Variants in LHFPL3 observed in about 807,000 individuals in gnomAD.
LHFPL3 encodes LHFPL tetraspan subfamily member 3 protein.
In LHFPL3, 5 loss-of-function variants were observed where a neutral mutation model predicts 19.3. The ratio of observed to expected loss-of-function variants is 0.26; its 90% CI spans 0.14 to 0.54. The LOEUF (loss-of-function observed/expected upper bound fraction) is 0.54, where lower values mean the gene tolerates loss of function less well. Among genes scored for constraint, LHFPL3 ranks in the 20% least tolerant of loss-of-function variants. LHFPL3 has a pLI of 0.94. For synonymous variants in LHFPL3, 133 were observed against 126.2 expected (o/e 1.05, Z -0.36); for missense variants, 249 against 307.4 (o/e 0.81, Z 1.42).
intron 1 of LHFPL3, among the ~76,000 whole-genome samples, chr7:104,359,274 C>T (rs1790344449): frequency 6.6e-6 from 1 of 152,230 alleles, no homozygotes; most frequent in South Asian, 2.1e-4. Context: ...AATTTATTTA[C>T]TGGCATAAGT....
intron 2 of LHFPL3, among the ~76,000 whole-genome samples, chr7:104,853,368 G>A (rs1238303375): frequency 6.6e-6 from 1 of 152,162 alleles, no homozygotes; most frequent in Non-Finnish European, 1.5e-5. Context: ...CAGAGGGAGT[G>A]CTTTCAGCCA....
intron 1 of LHFPL3, among the ~76,000 whole-genome samples, chr7:104,394,351 TA>T (rs1298222577): frequency 6.6e-6 from 1 of 152,240 alleles, no homozygotes; most frequent in East Asian, 1.9e-4. Flanking sequence ...TCTGAAAAGA[TA>T]ACCTCAGAAA....
chr7:104,581,792 A>G (rs542812390), intron 1 of LHFPL3, among the ~76,000 whole-genome samples: 26 of 152,074 alleles, frequency 1.7e-4, no homozygotes, highest in African/African-American at 5.8e-4. Context: ...GTAAATAACC[A>G]CGTACATGTG....
At chr7:104,586,941 A>G (rs997146097) in intron 1 of LHFPL3, among the ~76,000 whole-genome samples, 3 of 152,160 alleles carry the variant, frequency 2.0e-5, no homozygotes, top group Non-Finnish European at 2.9e-5. Flanking sequence ...TTGAAAGATT[A>G]TGTATCATTT....
At chr7:104,417,581 T>C (rs931260080) in intron 1 of LHFPL3, among the ~76,000 whole-genome samples, 1 of 152,344 alleles carries the variant, frequency 6.6e-6, no homozygotes, top group Middle Eastern at 3.4e-3. Flanking sequence ...ACAAGTACTT[T>C]TTAGGTATTA....
At chr7:104,582,792 T>C (rs1217389839) in intron 1 of LHFPL3, among the ~76,000 whole-genome samples, 2 of 151,962 alleles carry the variant, frequency 1.3e-5, no homozygotes, top group African/African-American at 2.4e-5. Context: ...AAACCCAATA[T>C]GGTTATAATG....
chr7:104,537,987 A>C (rs1794419488), intron 1 of LHFPL3, among the ~76,000 whole-genome samples: 1 of 152,190 alleles, frequency 6.6e-6, no homozygotes, highest in Admixed American at 6.5e-5. Flanking sequence ...AAGTCAAGGC[A>C]AGGTTTCTCC....
chr7:104,429,343 T>A (rs187018068), intron 1 of LHFPL3, among the ~76,000 whole-genome samples: 1 of 146,000 alleles, frequency 6.8e-6, no homozygotes, highest in Admixed American at 7.0e-5. Context: ...GTTTCTCTCT[T>A]GTTGCCGAGG....
intron 1 of LHFPL3, among the ~76,000 whole-genome samples, chr7:104,392,027 A>G (rs1401446473): frequency 6.6e-6 from 1 of 152,276 alleles, no homozygotes; most frequent in East Asian, 1.9e-4. Flanking sequence ...ATTTTTGCAC[A>G]TTGATTTTGT....
chr7:104,374,208 A>ATATATGTGTGTGTG (rs1284966904), intron 1 of LHFPL3, among the ~76,000 whole-genome samples: 1 of 147,154 alleles, frequency 6.8e-6, no homozygotes, highest in East Asian at 2.0e-4. Context: ...CTATCTATAT[A>ATATATGTGTGTGTG]TGTGTGTGTG....
intron 1 of LHFPL3, among the ~76,000 whole-genome samples, chr7:104,674,900 A>G (rs1792562864): frequency 6.6e-6 from 1 of 152,248 alleles, no homozygotes. Flanking sequence ...CAAAAGATAT[A>G]GAAGATCTGA....
intron 1 of LHFPL3, among the ~76,000 whole-genome samples, chr7:104,725,871 G>A (rs1344675182): frequency 1.3e-5 from 2 of 151,964 alleles, no homozygotes; most frequent in Admixed American, 6.6e-5. Context: ...CCAACATGGT[G>A]AAACCCCCAT....
rs1179850862 is a variant in LHFPL3, at chr7:104,907,896, T to C, written c.*1681T>C. Among the ~76,000 whole-genome samples the C allele has an allele frequency of 6.6e-6, 1 of 152,182 alleles. No individual in the cohort carries two copies. The highest frequency in any genetic ancestry group is 1.5e-5 in the Non-Finnish European group (1 of 68,020). ...CATATTATGGGTATGCTCAAAGGAG[T>C]AAAACCCAATTCACAGAGATGTGGC... On this transcript the variant is annotated 3_prime_UTR_variant, in exon 3 of 3. Coordinates refer to ENST00000424859, the MANE Select transcript of LHFPL3 (RefSeq NM_199000.3).
chr7:104,492,885 A>G (rs561283918), intron 1 of LHFPL3, among the ~76,000 whole-genome samples: 27 of 152,244 alleles, frequency 1.8e-4, no homozygotes, highest in African/African-American at 6.5e-4. Flanking sequence ...GCCTTCCACC[A>G]TCCATTGCCA....
chr7:104,343,246 G>A (rs976490414), intron 1 of LHFPL3, among the ~76,000 whole-genome samples: 2 of 152,080 alleles, frequency 1.3e-5, no homozygotes, highest in Non-Finnish European at 2.9e-5. Flanking sequence ...TGGGTGTGGT[G>A]ACTCTCACCT....
At chr7:104,668,373 G>A in intron 1 of LHFPL3, 2 of 1,593,622 alleles carry the variant, frequency 1.3e-6, no homozygotes, top group Non-Finnish European at 8.6e-7. Context: ...AGACACCTTT[G>A]ATGACTACCC....
At chr7:104,824,616 ATAT>A (rs1380922163) in intron 2 of LHFPL3, among the ~76,000 whole-genome samples, 10 of 73,080 alleles carry the variant, frequency 1.4e-4, no homozygotes, top group African/African-American at 2.6e-4. Context: ...ATAATTATAT[ATAT>A]TATTTTATAT....
intron 1 of LHFPL3, among the ~76,000 whole-genome samples, chr7:104,637,826 CTTT>C (rs375790026): frequency 4.6e-5 from 5 of 108,950 alleles, no homozygotes; most frequent in African/African-American, 1.4e-4. Context: ...ATGCCTCCAG[CTTT>C]TTTTTTTTTT....
intron 1 of LHFPL3, among the ~76,000 whole-genome samples, chr7:104,508,388 T>C (rs1227032640): frequency 3.4e-3 from 435 of 129,048 alleles, no homozygotes; most frequent in South Asian, 3.4e-3. Context: ...ATATTCTCAC[T>C]CATAGGTGGG....
Sources: allele counts gnomAD v4.1 joint callset (sites outside exome capture counted in the v4.1 genomes callset), GRCh38; gene constraint gnomAD v4.1.1; transcripts MANE v1.5; gene names NCBI Gene and HGNC (gene_info 2026-07-23, HGNC 2026-07-21).